DPYD: variants seen among roughly 807,000 people sequenced by gnomAD.
DPYD encodes dihydropyrimidine dehydrogenase [NADP(+)].
A neutral mutation model predicts 116.2 loss-of-function variants in DPYD; 109 were observed. The ratio of observed to expected loss-of-function variants is 0.94; its 90% CI spans 0.80 to 1.10. The LOEUF (loss-of-function observed/expected upper bound fraction) is 1.10. Ranked by LOEUF, DPYD falls within the 50% of genes least tolerant of loss-of-function variation. The probability of loss-of-function intolerance (pLI) is 0.00; values close to 1 mark genes in which losing one functional copy is unlikely to be tolerated. For synonymous variants in DPYD, 440 were observed against 432.0 expected, an observed-to-expected ratio of 1.02 and a Z score of -0.23; for missense variants, 1,302 against 1,254.5, an observed-to-expected ratio of 1.04 and a Z score of -0.57.
chr1:97,218,624 C>A (rs1432677608), intron 19 of DPYD, among the ~76,000 whole-genome samples: 1 of 151,140 alleles, frequency 6.6e-6, no homozygotes, highest in Non-Finnish European at 1.5e-5. Context: ...ATTTTCTAAT[C>A]TTGGACGATG....
At chr1:97,131,381 A>T (rs1045981624) in intron 20 of DPYD, among the ~76,000 whole-genome samples, 7 of 152,288 alleles carry the variant, frequency 4.6e-5, no homozygotes, top group African/African-American at 1.4e-4. Flanking sequence ...CTTTTCATGC[A>T]TGTAATAATA....
At chr1:97,655,588 T>G (rs1197979903) in intron 8 of DPYD, among the ~76,000 whole-genome samples, 1 of 152,204 alleles carries the variant, frequency 6.6e-6, no homozygotes, top group African/African-American at 2.4e-5. Context: ...AAAATTCAGC[T>G]TGGACAAGGA....
intron 14 of DPYD, among the ~76,000 whole-genome samples, chr1:97,401,481 T>G (rs1457993463): frequency 6.6e-6 from 1 of 151,998 alleles, no homozygotes. Flanking sequence ...GTCCAGCTAA[T>G]TTTTGTATTT....
chr1:97,627,719 C>G (rs1251006502), intron 8 of DPYD, among the ~76,000 whole-genome samples: 1 of 151,962 alleles, frequency 6.6e-6, no homozygotes, highest in Non-Finnish European at 1.5e-5. Flanking sequence ...TCTCTTCTCT[C>G]CAAGTATTCT....
intron 20 of DPYD, among the ~76,000 whole-genome samples, chr1:97,175,711 T>C (rs550244053): frequency 2.6e-5 from 4 of 152,198 alleles, no homozygotes; most frequent in Non-Finnish European, 4.4e-5. Context: ...CCTTAGCTCC[T>C]ACCTAAACCA....
At chr1:97,744,134 T>C (rs966740747) in intron 3 of DPYD, among the ~76,000 whole-genome samples, 4 of 152,046 alleles carry the variant, frequency 2.6e-5, no homozygotes, top group Non-Finnish European at 5.9e-5. Context: ...GTATGAAAAC[T>C]TAAGTACTGT....
intron 19 of DPYD, among the ~76,000 whole-genome samples, chr1:97,233,386 T>G (rs1334187364): frequency 6.6e-6 from 1 of 152,100 alleles, no homozygotes; most frequent in Non-Finnish European, 1.5e-5. Flanking sequence ...GACACCTCAT[T>G]ACTCTCAGGT....
chr1:97,537,640 A>AACTGTCTTT (rs1650111779), intron 12 of DPYD, among the ~76,000 whole-genome samples: 1 of 151,868 alleles, frequency 6.6e-6, no homozygotes, highest in African/African-American at 2.4e-5. Context: ...CCATATTTTT[A>AACTGTCTTT]ATTGTCTTTA....
chr1:97,826,895 C>T (rs1328303556), intron 3 of DPYD, among the ~76,000 whole-genome samples: 2 of 151,948 alleles, frequency 1.3e-5, no homozygotes, highest in South Asian at 2.1e-4. Flanking sequence ...CTGGTAATTT[C>T]TCATACTAGT....
intron 20 of DPYD, among the ~76,000 whole-genome samples, chr1:97,103,930 A>T (rs1650941054): frequency 6.6e-6 from 1 of 152,070 alleles, no homozygotes; most frequent in Non-Finnish European, 1.5e-5. Flanking sequence ...TTGCTCATGC[A>T]TCCCCTCTGC....
At chr1:97,243,682 A>G (rs1662527907) in intron 18 of DPYD, among the ~76,000 whole-genome samples, 1 of 151,998 alleles carries the variant, frequency 6.6e-6, no homozygotes, top group African/African-American at 2.4e-5. Flanking sequence ...TCAACATTAT[A>G]GAAAAATAGA....
chr1:97,798,210 G>C (rs1011351885), intron 3 of DPYD: 1 of 152,030 alleles, frequency 6.6e-6, no homozygotes, highest in Non-Finnish European at 1.5e-5. Context: ...GTCCTTTGCT[G>C]TGTCATCTAT....
intron 3 of DPYD, among the ~76,000 whole-genome samples, chr1:97,772,018 G>C (rs1300071156): frequency 6.6e-6 from 1 of 151,984 alleles, no homozygotes; most frequent in Non-Finnish European, 1.5e-5. Context: ...ATTCTTTCTT[G>C]TATTCTTTAT....
At chr1:97,289,431 A>G (rs1665974516) in intron 18 of DPYD, among the ~76,000 whole-genome samples, 2 of 152,130 alleles carry the variant, frequency 1.3e-5, no homozygotes, top group African/African-American at 4.8e-5. Flanking sequence ...TGATGCAAAA[A>G]TCCTCAATAA....
chr1:97,422,034 T>C (rs916365383), intron 14 of DPYD, among the ~76,000 whole-genome samples: 1 of 152,142 alleles, frequency 6.6e-6, no homozygotes, highest in Non-Finnish European at 1.5e-5. Context: ...CTACACCTTG[T>C]GTTTTACCTC....
intron 13 of DPYD, among the ~76,000 whole-genome samples, chr1:97,482,625 A>G (rs1486309234): frequency 6.6e-6 from 1 of 152,222 alleles, no homozygotes. Context: ...TTTTATTATT[A>G]TATTGGGAAT....
At chr1:97,780,598 G>C (rs1666687317) in intron 3 of DPYD, among the ~76,000 whole-genome samples, 1 of 152,164 alleles carries the variant, frequency 6.6e-6, no homozygotes, top group South Asian at 2.1e-4. Context: ...AGAAATCATG[G>C]ATACTTCTTG....
chr1:97,919,144 G>A (rs551035297), intron 1 of DPYD, among the ~76,000 whole-genome samples: 52 of 152,116 alleles, frequency 3.4e-4, no homozygotes, highest in Admixed American at 3.1e-3. Context: ...CATGAATCAC[G>A]GGTATTACTT....
chr1:97,209,478 T>C (rs1659895810), intron 19 of DPYD, among the ~76,000 whole-genome samples: 1 of 152,136 alleles, frequency 6.6e-6, no homozygotes, highest in Non-Finnish European at 1.5e-5. Flanking sequence ...ACAGTATTCT[T>C]ACTGTAGCTG....
Sources: gnomAD v4.1 joint callset for allele counts (sites outside exome capture counted in the v4.1 genomes callset) on GRCh38, gnomAD v4.1.1 for gene constraint, MANE v1.5 for transcripts, NCBI Gene and HGNC (gene_info 2026-07-23, HGNC 2026-07-21) for gene names.